DCPS: variants seen among roughly 807,000 people sequenced by gnomAD.
DCPS encodes the protein decapping enzyme, scavenger, also known as m7GpppX diphosphatase.
A neutral mutation model predicts 34.7 loss-of-function variants in DCPS; 27 were observed. The observed-to-expected ratio is 0.78, with a 90% CI of 0.57 to 1.07. The LOEUF is 1.07. Ranked by LOEUF, DCPS falls within the 50% of genes least tolerant of loss-of-function variation. The pLI is 0.00. For missense variants in DCPS, 464 were observed against 436.9 expected, an observed-to-expected ratio of 1.06 and a Z score of -0.55; for synonymous variants, 185 against 185.7, an observed-to-expected ratio of 1.00 and a Z score of 0.03.
At chr11:126,321,617 G>C (rs1951706937) in intron 2 of DCPS, among the ~76,000 whole-genome samples, 1 of 152,116 alleles carries the variant, frequency 6.6e-6, no homozygotes, top group Admixed American at 6.6e-5. Context: ...CTGCCCTTCA[G>C]GAGGGAGTGG....
Position 126,345,608 on chromosome 11 carries a change from A to G in DCPS, c.1009A>G (p.Ser337Gly). Residue 337 changes from serine (S) to glycine (G), a missense_variant, in exon 6 of 6, where the codon AGC becomes GGC. Transcript: ENST00000263579. This position sits in a 1 kb window ranked among gnomAD's most constrained non-coding sequence, Gnocchi z 7.4. ...LLKLLQEAQQ[S>G] ...CAAGCTCTTGCAGGAGGCTCAGCAAAGCTGAATTAACTCAGGCAGAAGAGC... is the reference window on the plus strand; with the variant it reads ...CAAGCTCTTGCAGGAGGCTCAGCAAGGCTGAATTAACTCAGGCAGAAGAGC... 6.2e-7 allele frequency: 1 copy of G among 1,612,464 alleles called. No homozygotes were observed. The highest frequency in any genetic ancestry group is 8.5e-7 in the Non-Finnish European group (1 of 1,179,628).
In DCPS at chr11:126,313,340, G is replaced by T. The variant is rs1484355987; in HGVS notation, c.376+6596G>T. Among the ~76,000 whole-genome samples the T allele has an allele frequency of 6.6e-6, 1 of 152,202 alleles. No homozygotes were observed. Among genetic ancestry groups the T allele is most frequent in the Non-Finnish European group, 1.5e-5 (1 of 68,032 alleles). ...GCAAAACCCGGACCTCCTGAGGGAG[G>T]GGTGAGGACTTGTTTGGAAGGAGCA... On this transcript the variant is annotated intron_variant, in intron 2 of 5. Coordinates refer to ENST00000263579, the MANE Select transcript of DCPS (RefSeq NM_014026.6). This position sits in a 1 kb window ranked among gnomAD's most constrained non-coding sequence, Gnocchi z 4.9.
In DCPS at chr11:126,342,089, C is replaced by T. The variant is rs1016704456; in HGVS notation, c.637-1218C>T. Reference sequence around the variant, plus strand: ...GTAGCTCAGACTGCAGGGCAGGGCACTGCTGGGTTCTCCCCGTGCCTGGCC... The same window carrying T: ...GTAGCTCAGACTGCAGGGCAGGGCATTGCTGGGTTCTCCCCGTGCCTGGCC... On this transcript the variant is annotated intron_variant, in intron 4 of 5. Transcript: ENST00000263579. This position sits in a 1 kb window ranked among gnomAD's most constrained non-coding sequence, Gnocchi z 4.4. 3 of 152,256 alleles carry T rather than the reference C, an allele frequency of 2.0e-5. No homozygotes were observed. Among genetic ancestry groups the T allele is most frequent in the Non-Finnish European group, 4.4e-5 (3 of 68,052 alleles). The allele number at this position is 152,256 out of a possible 1,614,324, so 9.4% of individuals were successfully genotyped here.
rs1405917640 is a variant in DCPS at position 126,322,085 on chromosome 11, A to C, written c.377-9320A>C. Among the ~76,000 whole-genome samples the C allele has an allele frequency of 1.3e-5, 2 of 152,192 alleles. No individual in the cohort carries two copies. The highest frequency in any genetic ancestry group is 4.8e-5 in the African/African-American group (2 of 41,452). On this transcript the variant is annotated intron_variant, in intron 2 of 5. Transcript: ENST00000263579. This position sits in a 1 kb window ranked among gnomAD's most constrained non-coding sequence, Gnocchi z 4.2. ...AGACAGTTTCCCAGGTCTGAAGAAC[A>C]TGATTTTTAAGATTGAAAGGGCTCA...
At position 126,323,561 on chromosome 11, in the gene DCPS, G is replaced by C. The variant is rs2135320654; in HGVS notation, c.377-7844G>C. ...CTTTTCTTTTTTTTTTTTGAGACAG[G>C]GTCTTGCTCAGTCACCCAGGCTGGA... On this transcript the variant is annotated intron_variant, in intron 2 of 5. Coordinates refer to ENST00000263579, the MANE Select transcript of DCPS (RefSeq NM_014026.6). The surrounding 1 kb of genome is among the most constrained non-coding windows in gnomAD (Gnocchi z 4.4). Among the ~76,000 whole-genome samples, 1 of 151,292 alleles carries C rather than the reference G, an allele frequency of 6.6e-6. No individual in the cohort carries two copies. The highest frequency in any genetic ancestry group is 6.6e-5 in the Admixed American group (1 of 15,212).
rs564080234 is a variant in DCPS, at chr11:126,308,335, G to C, written c.376+1591G>C. Reference sequence around the variant, plus strand: ...TTCTTGTTTGCCCTCCAGCATTTAAGAGCGGTCTGGCTTTGCAGATATCTT... The same window carrying C: ...TTCTTGTTTGCCCTCCAGCATTTAACAGCGGTCTGGCTTTGCAGATATCTT... On this transcript the variant is annotated intron_variant, in intron 2 of 5. Transcript: ENST00000263579. 5.5e-4 allele frequency among the ~76,000 whole-genome samples: 84 copies of C among 152,276 alleles called. 1 individual carries two copies. The South Asian group carries it at 0.017, about 31-fold the overall frequency.
chr11:126,312,024 G>A lies in DCPS; in HGVS notation c.376+5280G>A, dbSNP rs968647763. ...TGGCTTACTGCAACCCCTGCCTCCC[G>A]GGTTCGAGTGATTCTCCAGCCTCAG... On this transcript the variant is annotated intron_variant, in intron 2 of 5. Transcript: ENST00000263579. The surrounding 1 kb of genome is among the most constrained non-coding windows in gnomAD (Gnocchi z 5.1). 2.6e-5 allele frequency among the ~76,000 whole-genome samples: 4 copies of A among 152,152 alleles called. No homozygotes were observed. Among genetic ancestry groups the A allele is most frequent in the Non-Finnish European group, 4.4e-5 (3 of 68,020 alleles).
intron 2 of DCPS, among the ~76,000 whole-genome samples, chr11:126,309,616 C>G (rs1212021663): frequency 6.6e-6 from 1 of 151,958 alleles, no homozygotes; most frequent in Non-Finnish European, 1.5e-5. Context: ...GATATGGAAC[C>G]CACAATACGG....
chr11:126,308,708 C>T (rs1951593111), intron 2 of DCPS, among the ~76,000 whole-genome samples: 5 of 152,202 alleles, frequency 3.3e-5, no homozygotes, highest in Admixed American at 3.3e-4. Context: ...TTTCCCTCAC[C>T]TTCCGAAATC....
chr11:126,343,494 C>T, intron 5 of DCPS, 77 bp downstream of exon 5: 1 of 1,240,968 alleles, frequency 8.1e-7, no homozygotes. Flanking sequence ...GGCCCCTTTC[C>T]TCACCTTTCC....
chr11:126,306,296 C>T (rs531236757), intron 1 of DCPS, among the ~76,000 whole-genome samples: 1 of 152,100 alleles, frequency 6.6e-6, no homozygotes, highest in Admixed American at 6.5e-5. Context: ...TTGTTTGAGC[C>T]CAGGAGGTGG....
In DCPS at chr11:126,342,807, C is replaced by T. The variant is rs1196171951; in HGVS notation, c.637-500C>T. On this transcript the variant is annotated intron_variant, in intron 4 of 5. Transcript: ENST00000263579. The surrounding 1 kb of genome is among the most constrained non-coding windows in gnomAD (Gnocchi z 4.4). ...AGCATATAGAACTCTCTGCTGGGCGCGGTGGCTCACGCCTGTAATCCCAGC... is the reference window on the plus strand; with the variant it reads ...AGCATATAGAACTCTCTGCTGGGCGTGGTGGCTCACGCCTGTAATCCCAGC... Among the ~76,000 whole-genome samples, 1 of 152,128 alleles carries T rather than the reference C, an allele frequency of 6.6e-6. No individual in the cohort carries two copies. The highest frequency in any genetic ancestry group is 6.5e-5 in the Admixed American group (1 of 15,282).
At chr11:126,304,510 T>A (rs1275755702) in intron 1 of DCPS, among the ~76,000 whole-genome samples, 1 of 152,126 alleles carries the variant, frequency 6.6e-6, no homozygotes, top group Non-Finnish European at 1.5e-5. Flanking sequence ...ATGTCTCCAC[T>A]AGAAATATCT....
intron 1 of DCPS, 127 bp downstream of exon 1, chr11:126,304,408 G>A: frequency 9.1e-7 from 1 of 1,095,664 alleles, no homozygotes; most frequent in South Asian, 1.5e-5. Context: ...GGAGGCGGGA[G>A]TGCGCCACTA....
At chr11:126,305,410 C>A (rs1261250797) in intron 1 of DCPS, among the ~76,000 whole-genome samples, 1 of 108,966 alleles carries the variant, frequency 9.2e-6, no homozygotes, top group East Asian at 2.3e-4. Context: ...CCACCGCACC[C>A]GCCTTTTTTT....
Position 126,331,286 on chromosome 11 carries a change from G to A in DCPS, c.377-119G>A, listed in dbSNP as rs2135327103. Reference sequence around the variant, plus strand: ...TGGATCTTGGGTGCATGATCCTCTTGGATTTTGGCTTCCCTCAGGGAATCA... The same window carrying A: ...TGGATCTTGGGTGCATGATCCTCTTAGATTTTGGCTTCCCTCAGGGAATCA... On this transcript the variant is annotated intron_variant, in intron 2 of 5. Coordinates refer to ENST00000263579, the MANE Select transcript of DCPS (RefSeq NM_014026.6). This position sits in a 1 kb window ranked among gnomAD's most constrained non-coding sequence, Gnocchi z 7.2. 6.9e-7 allele frequency: 1 copy of A among 1,457,412 alleles called. No individual in the cohort carries two copies. Among genetic ancestry groups the A allele is most frequent in the East Asian group, 2.3e-5 (1 of 43,776 alleles). 90.3% of individuals were successfully genotyped at this position (1,457,412 alleles called of 1,614,324 possible). A position where few individuals can be genotyped will look rare whatever the true frequency, so the allele number is the denominator to read the frequency against.
intron 2 of DCPS, among the ~76,000 whole-genome samples, chr11:126,316,675 T>A (rs369378134): frequency 6.6e-6 from 1 of 151,582 alleles, no homozygotes; most frequent in Non-Finnish European, 1.5e-5. Flanking sequence ...TTTCTTGAGA[T>A]GGAGTCTCGC....
chr11:126,326,883 A>G (rs112001597), intron 2 of DCPS, among the ~76,000 whole-genome samples: 1 of 152,058 alleles, frequency 6.6e-6, no homozygotes, highest in African/African-American at 2.4e-5. Context: ...AGATCACGCC[A>G]CTGCACTCCA....
rs1373049567 is a variant in DCPS, at chr11:126,325,298, A to G, written c.377-6107A>G. 2.0e-5 allele frequency among the ~76,000 whole-genome samples: 3 copies of G among 152,242 alleles called. No homozygotes were observed. The highest frequency in any genetic ancestry group is 7.2e-5 in the African/African-American group (3 of 41,474). ...GTAACTATGGCAGTGAACAGCATTTACATCATCATCATAGCATCAGTGTTG... is the reference window on the plus strand; with the variant it reads ...GTAACTATGGCAGTGAACAGCATTTGCATCATCATCATAGCATCAGTGTTG... On this transcript the variant is annotated intron_variant, in intron 2 of 5. Coordinates refer to ENST00000263579, the MANE Select transcript of DCPS (RefSeq NM_014026.6). The surrounding 1 kb of genome is among the most constrained non-coding windows in gnomAD (Gnocchi z 4.3).
Sources: gnomAD v4.1 joint callset for allele counts (sites outside exome capture counted in the v4.1 genomes callset) on GRCh38, gnomAD v4.1.1 for gene constraint, Gnocchi (gnomAD v3.1) non-coding constraint, MANE v1.5 for transcripts, NCBI Gene and HGNC (gene_info 2026-07-23, HGNC 2026-07-21) for gene names.